Variants in LRP1 observed in about 807,000 individuals in gnomAD.
The protein encoded by LRP1 is LDL receptor related protein 1.
Under a neutral mutation model 541.5 loss-of-function variants are expected in LRP1, and 51 were observed. The ratio of observed to expected loss-of-function variants is 0.09; its 90% CI spans 0.08 to 0.12. The LOEUF is 0.12. Ranked by LOEUF, LRP1 falls within the 10% of genes least tolerant of loss-of-function variation. The pLI is 1.00. For missense variants in LRP1, 3,878 were observed against 6,376.2 expected, an observed-to-expected ratio of 0.61 and a Z score of 13.34; for synonymous variants, 2,219 against 2,470.8, an observed-to-expected ratio of 0.90 and a Z score of 3.02.
chr12:57,181,967 G>C (rs550847805), intron 34 of LRP1, among the ~76,000 whole-genome samples: 1 of 152,190 alleles, frequency 6.6e-6, no homozygotes, highest in African/African-American at 2.4e-5. Context: ...TTTACCAAAA[G>C]AAACTCTGAG....
At chr12:57,199,753 C>T in intron 61 of LRP1, 124 bp from the exon 62 acceptor site, 1 of 1,198,500 alleles carries the variant, frequency 8.3e-7, no homozygotes, top group Non-Finnish European at 1.2e-6. Context: ...CTATCTCCAG[C>T]TTCAGCTCCC....
At position 57,128,594 on chromosome 12, in the gene LRP1, G is replaced by C. The variant is rs919029721; in HGVS notation, c.-371G>C. On this transcript the variant is annotated 5_prime_UTR_variant, in exon 1 of 89. Coordinates refer to ENST00000243077, the MANE Select transcript of LRP1 (RefSeq NM_002332.3). Reference sequence around the variant, plus strand: ...CCCCCTCCAAAGGCTCCCCTACCCGGTCCACGCCCCCCACCCCCCCTCCCC... The same window carrying C: ...CCCCCTCCAAAGGCTCCCCTACCCGCTCCACGCCCCCCACCCCCCCTCCCC... The C allele has an allele frequency of 1.9e-5, 8 of 413,584 alleles. No individual in the cohort carries two copies. The Admixed American group carries it at 2.8e-4, about 15-fold the overall frequency. The allele number at this position is 413,584 out of a possible 1,614,324, so 25.6% of individuals were successfully genotyped here.
At chr12:57,192,559 T>C (rs2036435967) in intron 44 of LRP1, among the ~76,000 whole-genome samples, 1 of 152,076 alleles carries the variant, frequency 6.6e-6, no homozygotes, top group Admixed American at 6.5e-5. Context: ...ACCCGTGATC[T>C]CAGGGCCCTC....
Position 57,184,482 on chromosome 12 carries a change from A to G in LRP1, c.6186+30A>G, listed in dbSNP as rs1295896709. On this transcript the variant is annotated intron_variant, in intron 38 of 88. Transcript: ENST00000243077. This position sits in a 1 kb window ranked among gnomAD's most constrained non-coding sequence, Gnocchi z 7.8. ...GCACGCCAACTTGGCCTTGGATCCG[A>G]TGGTAGACCCCTGACCCAGGCTCCT... The G allele has an allele frequency of 1.9e-6, 3 of 1,613,530 alleles. No individual in the cohort carries two copies. Among genetic ancestry groups the G allele is most frequent in the Non-Finnish European group, 1.7e-6 (2 of 1,179,846 alleles).
chr12:57,157,344 C>T (rs2035641577), intron 10 of LRP1, among the ~76,000 whole-genome samples: 1 of 152,200 alleles, frequency 6.6e-6, no homozygotes, highest in South Asian at 2.1e-4. Context: ...GGCGTGGTGG[C>T]TTATGCCTGT....
At chr12:57,180,526 C>T (rs1365730853) in intron 32 of LRP1, 47 bp downstream of exon 32, 2 of 1,610,402 alleles carry the variant, frequency 1.2e-6, no homozygotes. Context: ...CAGGCCAGGC[C>T]AGACCTACTG....
chr12:57,134,820 C>T lies in LRP1; in HGVS notation c.68-3639C>T, dbSNP rs531552392. 1.7e-4 allele frequency among the ~76,000 whole-genome samples: 26 copies of T among 152,324 alleles called. No individual in the cohort carries two copies. The South Asian group carries it at 4.8e-3, about 28-fold the overall frequency. The stretch of plus-strand genomic sequence containing the variant: ...CCCCTGGTTCACGCCATTCTCCTGC[C>T]TCAGCCTCCTGAGTAGCTGGGACTA... On this transcript the variant is annotated intron_variant, in intron 1 of 88. Coordinates refer to ENST00000243077, the MANE Select transcript of LRP1 (RefSeq NM_002332.3).
At chr12:57,194,284 G>C in intron 48 of LRP1, 70 bp from the exon 49 acceptor site, 1 of 1,481,828 alleles carries the variant, frequency 6.7e-7, no homozygotes, top group Non-Finnish European at 9.0e-7. Context: ...GCTCCATAGG[G>C]CTGGCAGCTG....
intron 80 of LRP1, 35 bp from the exon 81 acceptor site, chr12:57,209,994 G>T: frequency 6.3e-7 from 1 of 1,588,282 alleles, no homozygotes. Flanking sequence ...GAAGGGTCCT[G>T]CTCAGCATCC....
In LRP1 at chr12:57,209,853, C is replaced by T. The variant is rs751452027; in HGVS notation, c.12424C>T (p.His4142Tyr). ...HASDVVLYHQHKQPEVTNPCD... is the reference protein window; with the variant it reads ...HASDVVLYHQYKQPEVTNPCD... ...CTCTGACGTGGTCCTTTACCATCAG[C>T]ACAAGCAGCCCGAAGGTGGGGGCAG... Residue 4142 changes from histidine to tyrosine, a missense_variant, in exon 80 of 89, where the codon CAC (histidine) becomes TAC (tyrosine). His to Tyr is a moderately conservative substitution (Grantham distance 83). This residue lies in a region of LRP1 where 871 missense variants were observed against 1,212.4 expected (regional missense o/e 0.72). Transcript: ENST00000243077. The T allele has an allele frequency of 3.7e-5, 59 of 1,613,848 alleles. No homozygotes were observed. The highest frequency in any genetic ancestry group is 4.8e-5 in the Non-Finnish European group (57 of 1,179,998).
At chr12:57,194,320 A>G (rs537112316) in intron 48 of LRP1, 34 bp from the exon 49 acceptor site, 2 of 1,505,416 alleles carry the variant, frequency 1.3e-6, no homozygotes, top group African/African-American at 2.8e-5. Context: ...ATCCAGGGGG[A>G]ACCAGGTATC....
Position 57,191,411 on chromosome 12 carries a change from A to T in LRP1, c.7328A>T (p.Gln2443Leu). The T allele has an allele frequency of 6.2e-7, 1 of 1,613,410 alleles. No individual in the cohort carries two copies. Among genetic ancestry groups the T allele is most frequent in the Non-Finnish European group, 8.5e-7 (1 of 1,179,538 alleles). Residue 2443 changes from glutamine to leucine, a missense_variant, in exon 44 of 89, where the codon CAG becomes CTG. By Grantham distance (113) the Gln-to-Leu change is moderately radical. Around this residue, in one of 13 missense-constraint regions of LRP1, gnomAD observed 1,100 missense variants for 1,827.4 expected, o/e 0.60. Coordinates refer to ENST00000243077, the MANE Select transcript of LRP1 (RefSeq NM_002332.3). ...FWTDWVRRAV[Q>L]RANKHVGSNM... The stretch of plus-strand genomic sequence containing the variant: ...ACTGACTGGGTGCGGCGGGCAGTGC[A>T]GCGGGCCAACAAGCACGTGGGCAGC...
intron 1 of LRP1, among the ~76,000 whole-genome samples, chr12:57,129,869 G>C (rs1231783998): frequency 6.6e-6 from 1 of 152,148 alleles, no homozygotes; most frequent in African/African-American, 2.4e-5. Context: ...GGATTGGAAG[G>C]AGAGTTGGAG....
intron 12 of LRP1, 91 bp downstream of exon 12, chr12:57,160,096 G>A: frequency 7.6e-7 from 1 of 1,320,458 alleles, no homozygotes; most frequent in Non-Finnish European, 1.1e-6. Flanking sequence ...AGCAGGGGAA[G>A]GCAGGTGAGG....
chr12:57,185,229 G>C lies in LRP1; in HGVS notation c.6463+24G>C, dbSNP rs764252045. ...AGGTGAGGCTGGGGCTCTGGGCTGG[G>C]GTGGAGAGGTGAGGGGGACTCTGGC... On this transcript the variant is annotated intron_variant, in intron 40 of 88. Coordinates refer to ENST00000243077, the MANE Select transcript of LRP1 (RefSeq NM_002332.3). This position sits in a 1 kb window ranked among gnomAD's most constrained non-coding sequence, Gnocchi z 4.9. 5 of 1,613,392 alleles carry C rather than the reference G, an allele frequency of 3.1e-6. No individual in the cohort carries two copies. The South Asian group carries it at 5.5e-5, about 18-fold the overall frequency.
chr12:57,161,111 G>A lies in LRP1; in HGVS notation c.2198G>A (p.Arg733Gln), dbSNP rs905771676. 5.6e-6 allele frequency: 9 copies of A among 1,612,312 alleles called. No homozygotes were observed. The highest frequency in any genetic ancestry group is 1.1e-5 in the South Asian group (1 of 91,084). Residue 733 changes from arginine to glutamine, a missense_variant, in exon 13 of 89, where the codon CGG (arginine) becomes CAG (glutamine). Coordinates refer to ENST00000243077, the MANE Select transcript of LRP1 (RefSeq NM_002332.3). ...IETILLNGTDRKIVYEGPELN... is the reference protein window; with the variant it reads ...IETILLNGTDQKIVYEGPELN... ...ACGATACTGCTCAATGGCACAGACC[G>A]GAAGGTGGGCAGGCATGTGCCTGTG... is the stretch of plus-strand genomic sequence containing the variant.
intron 10 of LRP1, 123 bp downstream of exon 10, chr12:57,157,043 T>A: frequency 2.5e-6 from 3 of 1,214,444 alleles, no homozygotes; most frequent in Middle Eastern, 3.0e-4. Flanking sequence ...TCCCAGAGTG[T>A]ACCTGCTAGT....
At position 57,162,202 on chromosome 12, in the gene LRP1, G is replaced by T; in HGVS notation, c.2203-115G>T. On this transcript the variant is annotated intron_variant, in intron 13 of 88. Coordinates refer to ENST00000243077, the MANE Select transcript of LRP1 (RefSeq NM_002332.3). The surrounding 1 kb of genome is among the most constrained non-coding windows in gnomAD (Gnocchi z 5.2). ...CTCTGGGGCTCCCAGGCTAATGGGG[G>T]AAACAAAGCAAAACCCATGCCCAGG... The T allele has an allele frequency of 1.1e-6, 1 of 937,364 alleles. No individual in the cohort carries two copies. Among genetic ancestry groups the T allele is most frequent in the Non-Finnish European group, 1.7e-6 (1 of 583,284 alleles). The allele number at this position is 937,364 out of a possible 1,614,324, so 58.1% of individuals were successfully genotyped here.
chr12:57,183,558 AG>A lies in LRP1; in HGVS notation c.5794+52del. 3 of 1,586,886 alleles carry A rather than the reference AG, an allele frequency of 1.9e-6. No individual in the cohort carries two copies. The highest frequency in any genetic ancestry group is 2.6e-6 in the Non-Finnish European group (3 of 1,164,462). Reference sequence around the variant, plus strand: ...GAGTTGGGCGTGGCGTAGGAGCTTTAGGGGTGGTGTGGTGTGCCCTGAGGGT... The same window carrying A: ...GAGTTGGGCGTGGCGTAGGAGCTTTAGGGTGGTGTGGTGTGCCCTGAGGGT... On this transcript the variant is annotated intron_variant, in intron 35 of 88. Coordinates refer to ENST00000243077, the MANE Select transcript of LRP1 (RefSeq NM_002332.3). This position sits in a 1 kb window ranked among gnomAD's most constrained non-coding sequence, Gnocchi z 6.1.
Sources: allele counts gnomAD v4.1 joint callset (sites outside exome capture counted in the v4.1 genomes callset), GRCh38; gene constraint gnomAD v4.1.1; regional missense constraint gnomAD v4.1.1; non-coding constraint Gnocchi (gnomAD v3.1); transcripts MANE v1.5; gene names NCBI Gene and HGNC (gene_info 2026-07-23, HGNC 2026-07-21).